CREB5: variants seen among roughly 807,000 people sequenced by gnomAD.
CREB5 encodes cyclic AMP-responsive element-binding protein 5.
CREB5 carries 19 observed loss-of-function variants against 57.1 expected under a neutral mutation model. That is an observed-to-expected ratio of 0.33 (90% confidence interval 0.23 to 0.49). CREB5 has a LOEUF of 0.49. CREB5 is among the 20% of genes least tolerant of loss of function. CREB5 has a pLI of 0.99. For missense variants in CREB5, 579 were observed against 671.6 expected, an observed-to-expected ratio of 0.86 and a Z score of 1.52; for synonymous variants, 238 against 238.3, an observed-to-expected ratio of 1.00 and a Z score of 0.01.
chr7:28,353,842 C>CAA (rs3041002), intron 1 of CREB5, among the ~76,000 whole-genome samples: 67,025 of 137,228 alleles, frequency 0.49, 16,928 homozygotes, highest in Non-Finnish European at 0.55. Flanking sequence ...GACTCCATCT[C>CAA]AAAAAAAAAA....
At chr7:28,409,945 G>A (rs1171800333), upstream of CREB5, 4 of 453,950 alleles carry the variant, frequency 8.8e-6, no homozygotes, top group East Asian at 2.8e-4. This position sits in a 1 kb window ranked among gnomAD's most constrained non-coding sequence, Gnocchi z 4.4. Flanking sequence ...AGCGGCAGCG[G>A]AGACGGCGAG....
chr7:28,431,959 G>A (rs559452738), intron 1 of CREB5, among the ~76,000 whole-genome samples: 26 of 149,292 alleles, frequency 1.7e-4, no homozygotes, highest in Non-Finnish European at 4.5e-5. Flanking sequence ...TGCAGGATTT[G>A]AGGTGACTGC....
At chr7:28,486,185 A>G (rs1373513191) in intron 1 of CREB5, among the ~76,000 whole-genome samples, 1 of 152,170 alleles carries the variant, frequency 6.6e-6, no homozygotes, top group Non-Finnish European at 1.5e-5. Flanking sequence ...AATTTCCTTT[A>G]TATTGCTTTA....
At chr7:28,333,245 G>A (rs902311388) in intron 1 of CREB5, among the ~76,000 whole-genome samples, 1 of 151,972 alleles carries the variant, frequency 6.6e-6, no homozygotes, top group Non-Finnish European at 1.5e-5. Context: ...TAGCCTGTTG[G>A]TTTTATACTT....
chr7:28,381,136 G>A (rs1026371475), intron 1 of CREB5, among the ~76,000 whole-genome samples: 4 of 152,092 alleles, frequency 2.6e-5, no homozygotes, highest in Admixed American at 6.5e-5. Flanking sequence ...ACTCATCCTC[G>A]CTTATTGGTC....
At chr7:28,392,382 T>C (rs1228674956) in intron 1 of CREB5, among the ~76,000 whole-genome samples, 1 of 152,200 alleles carries the variant, frequency 6.6e-6, no homozygotes, top group Non-Finnish European at 1.5e-5. Context: ...TCTCTGGCTG[T>C]GGTTGCCTCT....
chr7:28,730,637 G>A (rs1038350537), intron 7 of CREB5, among the ~76,000 whole-genome samples: 4 of 152,140 alleles, frequency 2.6e-5, no homozygotes, highest in African/African-American at 9.7e-5. Context: ...GCCAGCAGTA[G>A]GGATTGTTAT....
intron 4 of CREB5, among the ~76,000 whole-genome samples, chr7:28,521,406 C>G (rs1793202208): frequency 6.6e-6 from 1 of 152,052 alleles, no homozygotes; most frequent in East Asian, 1.9e-4. Flanking sequence ...GGAGGTCTGC[C>G]CCAAGAACAG....
intron 1 of CREB5, among the ~76,000 whole-genome samples, chr7:28,392,478 C>G (rs1207162990): frequency 1.3e-5 from 2 of 152,060 alleles, no homozygotes; most frequent in Non-Finnish European, 1.5e-5. Flanking sequence ...ATGGCAAAAA[C>G]CGCAATTACT....
Position 28,804,412 on chromosome 7 carries a change from C to T in CREB5, c.916C>T (p.His306Tyr). ...AGCACACCATCCTCACCCTCAACCC[C>T]ATCACCAGCAGAACCATCCACATCA... Reference protein sequence around the residue: ...HPAHHPHPQPHHQQNHPHHHS... With the variant: ...HPAHHPHPQPYHQQNHPHHHS... Residue 306 changes from histidine to tyrosine, a missense_variant, in exon 8 of 11, where the codon CAT becomes TAT. Around this residue, in one of 3 missense-constraint regions of CREB5, gnomAD observed 459 missense variants for 515.7 expected, o/e 0.89. Transcript: ENST00000357727. The T allele has an allele frequency of 6.2e-7, 1 of 1,613,710 alleles. No homozygotes were observed. The highest frequency in any genetic ancestry group is 8.5e-7 in the Non-Finnish European group (1 of 1,180,012).
intron 1 of CREB5, among the ~76,000 whole-genome samples, chr7:28,321,484 T>C (rs1785494794): frequency 6.6e-6 from 1 of 152,220 alleles, no homozygotes; most frequent in Non-Finnish European, 1.5e-5. Context: ...TATTGACCCA[T>C]CTTCTCTCAG....
chr7:28,306,879 A>C (rs1309653141), intron 1 of CREB5, among the ~76,000 whole-genome samples: 1 of 152,118 alleles, frequency 6.6e-6, no homozygotes. Context: ...AGTTTTATAG[A>C]TATAAAAAGG....
intron 7 of CREB5, among the ~76,000 whole-genome samples, chr7:28,801,721 A>G (rs866165944): frequency 1.3e-5 from 2 of 152,210 alleles, no homozygotes; most frequent in African/African-American, 2.4e-5. Flanking sequence ...TTTTATAATA[A>G]GCATTTTTAT....
rs2127996698 is a variant in CREB5, at chr7:28,385,127, A to T, written c.-25+85686A>T. Among the ~76,000 whole-genome samples the T allele has an allele frequency of 2.0e-5, 3 of 152,354 alleles. No homozygotes were observed. The East Asian group carries it at 5.8e-4, about 29-fold the overall frequency. ...TTAAAAGAAATAATGATAAAATAGT[A>T]CTATAGCTTATACTGACACTCAGTT... On this transcript the variant is annotated intron_variant, in intron 1 of 9. Transcript: ENST00000396299.
At chr7:28,479,395 A>C (rs1791230280) in intron 1 of CREB5, among the ~76,000 whole-genome samples, 1 of 152,168 alleles carries the variant, frequency 6.6e-6, no homozygotes, top group South Asian at 2.1e-4. Context: ...TTACTGGGCC[A>C]CCCAAGGAAA....
At chr7:28,696,237 A>T (rs890900000) in intron 5 of CREB5, among the ~76,000 whole-genome samples, 1 of 151,836 alleles carries the variant, frequency 6.6e-6, no homozygotes, top group Non-Finnish European at 1.5e-5. Flanking sequence ...CTAATTAATG[A>T]TTGTTAAGTG....
Position 28,473,791 on chromosome 7 carries a change from C to T in CREB5, c.4-14384C>T, listed in dbSNP as rs375695291. ...CCCATGTCTGGAAGGGCCCAGTGCCCGGCTTATTTGGCCAGATGTTCTTGG... is the reference window on the plus strand; with the variant it reads ...CCCATGTCTGGAAGGGCCCAGTGCCTGGCTTATTTGGCCAGATGTTCTTGG... On this transcript the variant is annotated intron_variant, in intron 1 of 10. Transcript: ENST00000357727. Among the ~76,000 whole-genome samples the T allele has an allele frequency of 5.3e-5, 8 of 152,288 alleles. No individual in the cohort carries two copies. The East Asian group carries it at 9.7e-4, about 18-fold the overall frequency.
chr7:28,455,286 G>A (rs545276946), intron 1 of CREB5, among the ~76,000 whole-genome samples: 2 of 152,286 alleles, frequency 1.3e-5, no homozygotes, highest in Admixed American at 6.5e-5. Flanking sequence ...GACTGGGATA[G>A]CTTCCTACCT....
intron 5 of CREB5, among the ~76,000 whole-genome samples, chr7:28,643,065 A>G (rs988143481): frequency 6.6e-6 from 1 of 150,486 alleles, no homozygotes; most frequent in Non-Finnish European, 1.5e-5. Context: ...ACTTCTAAAG[A>G]CCCTTTGAGA....
Sources: gnomAD v4.1 joint callset for allele counts (sites outside exome capture counted in the v4.1 genomes callset) on GRCh38, gnomAD v4.1.1 for gene constraint, gnomAD v4.1.1 regional missense constraint, Gnocchi (gnomAD v3.1) non-coding constraint, MANE v1.5 for transcripts, NCBI Gene and HGNC (gene_info 2026-07-23, HGNC 2026-07-21) for gene names.